The following SESN3 variants were observed in gnomAD, a reference collection of about 807,000 sequenced individuals.
SESN3 encodes the protein sestrin 3.
In SESN3, 21 loss-of-function variants were observed where a neutral mutation model predicts 55.3. The ratio of observed to expected loss-of-function variants is 0.38; its 90% CI spans 0.27 to 0.55. SESN3 has a LOEUF of 0.55. Ranked by LOEUF, SESN3 falls within the 20% of genes least tolerant of loss-of-function variation. The pLI is 0.76. For synonymous variants in SESN3, 181 were observed against 203.1 expected (o/e 0.89, Z 0.93); for missense variants, 408 against 604.3 (o/e 0.68, Z 3.41).
At position 95,175,394 on chromosome 11, in the gene SESN3, A is replaced by T. The variant is rs1159199506; in HGVS notation, c.1392+104T>A. 47 of 1,027,738 alleles carry T rather than the reference A, an allele frequency of 4.6e-5. 1 individual carries two copies. The highest frequency in any genetic ancestry group is 6.6e-5 in the Non-Finnish European group (47 of 712,782). 63.7% of individuals were successfully genotyped at this position (1,027,738 alleles called of 1,614,324 possible). A position where few individuals can be genotyped will look rare whatever the true frequency, so the allele number is the denominator to read the frequency against. ...AGCTAGATGATGCCACTTCCATGTC[A>T]ATGGCTATAATTTATTAATACTTTC... On this transcript the variant is annotated intron_variant, in intron 9 of 9. Coordinates refer to ENST00000536441, the MANE Select transcript of SESN3 (RefSeq NM_144665.4).
Position 95,173,205 on chromosome 11 carries a change from C to T in SESN3, c.*50G>A, listed in dbSNP as rs1859887299. ...TATCACAAATAGCTTCAATGTTTATCTTATGTGAAAGGTCTTTACACATGT... is the reference window on the plus strand; with the variant it reads ...TATCACAAATAGCTTCAATGTTTATTTTATGTGAAAGGTCTTTACACATGT... On this transcript the variant is annotated 3_prime_UTR_variant, in exon 10 of 10. Coordinates refer to ENST00000536441, the MANE Select transcript of SESN3 (RefSeq NM_144665.4). The T allele has an allele frequency of 9.4e-7, 1 of 1,066,344 alleles. No individual in the cohort carries two copies. The highest frequency in any genetic ancestry group is 1.4e-6 in the Non-Finnish European group (1 of 707,518). 66.1% of individuals were successfully genotyped at this position (1,066,344 alleles called of 1,614,324 possible). A position where few individuals can be genotyped will look rare whatever the true frequency, so the allele number is the denominator to read the frequency against.
At chr11:95,197,808 A>T (rs935365868) in intron 1 of SESN3, among the ~76,000 whole-genome samples, 4 of 152,150 alleles carry the variant, frequency 2.6e-5, no homozygotes, top group African/African-American at 9.6e-5. Context: ...ATAAGGGCAC[A>T]GGATACGAAA....
chr11:95,182,083 C>A (rs377659412), intron 6 of SESN3: 143 of 282,696 alleles, frequency 5.1e-4, no homozygotes, highest in African/African-American at 3.0e-3. Flanking sequence ...ACTTTCTAGT[C>A]AAAATTCACT....
intron 3 of SESN3, 69 bp downstream of exon 3, chr11:95,191,335 G>T: frequency 8.5e-7 from 1 of 1,173,896 alleles, no homozygotes; most frequent in East Asian, 2.3e-5. Flanking sequence ...AAGGACACAT[G>T]CCTATTTTGG....
chr11:95,195,201 TTTG>T (rs1286581931), intron 1 of SESN3, among the ~76,000 whole-genome samples: 8 of 152,184 alleles, frequency 5.3e-5, no homozygotes, highest in African/African-American at 1.9e-4. Flanking sequence ...ATTTATTAAA[TTTG>T]TTGATAAAAA....
chr11:95,226,354 A>G (rs1860948423), intron 1 of SESN3, among the ~76,000 whole-genome samples: 1 of 152,242 alleles, frequency 6.6e-6, no homozygotes, highest in African/African-American at 2.4e-5. Flanking sequence ...AAGATCTGTT[A>G]AAGACCTAAC....
At chr11:95,218,368 G>C (rs994959943) in intron 1 of SESN3, among the ~76,000 whole-genome samples, 2 of 152,168 alleles carry the variant, frequency 1.3e-5, no homozygotes, top group African/African-American at 4.8e-5. Flanking sequence ...ACGCTACGTA[G>C]GTAAAAACTC....
intron 8 of SESN3, among the ~76,000 whole-genome samples, chr11:95,176,335 T>C (rs919722499): frequency 2.6e-5 from 4 of 152,082 alleles, no homozygotes; most frequent in African/African-American, 9.7e-5. Flanking sequence ...AAGCAGAAAA[T>C]GAGGCAGTAG....
In SESN3 at chr11:95,193,586, A is replaced by C. The variant is rs1407846339; in HGVS notation, c.79-64T>G. 3 of 878,974 alleles carry C rather than the reference A, an allele frequency of 3.4e-6. No individual in the cohort carries two copies. The African/African-American group carries it at 5.1e-5, about 15-fold the overall frequency. 54.4% of individuals were successfully genotyped at this position (878,974 alleles called of 1,614,324 possible). A position where few individuals can be genotyped will look rare whatever the true frequency, so the allele number is the denominator to read the frequency against. On this transcript the variant is annotated intron_variant, in intron 1 of 9. Transcript: ENST00000536441. Reference sequence around the variant, plus strand: ...TTTCTAAGAAATGTTAAATTTGTACACATTTATTGCTAAGGTACTAAAATA... The same window carrying C: ...TTTCTAAGAAATGTTAAATTTGTACCCATTTATTGCTAAGGTACTAAAATA...
intron 6 of SESN3, among the ~76,000 whole-genome samples, chr11:95,181,951 T>A (rs1393557141): frequency 6.6e-6 from 1 of 152,088 alleles, no homozygotes; most frequent in Admixed American, 6.6e-5. Context: ...TTTTTATATA[T>A]ATGTGTGTAT....
In SESN3 at chr11:95,196,724, T is replaced by C. The variant is rs536368507; in HGVS notation, c.79-3202A>G. On this transcript the variant is annotated intron_variant, in intron 1 of 9. Transcript: ENST00000536441. ...ACATTTCAGATGCTCGGCAGCCACA[T>C]AGGACCACGTGTACTCTACAGGACA... 7.2e-5 allele frequency among the ~76,000 whole-genome samples: 11 copies of C among 152,350 alleles called. No homozygotes were observed. The South Asian group carries it at 1.4e-3, about 20-fold the overall frequency.
In SESN3 at chr11:95,173,007, C is replaced by G; in HGVS notation, c.*248G>C. On this transcript the variant is annotated 3_prime_UTR_variant, in exon 10 of 10. Transcript: ENST00000536441. ...GATTTATGATCAGTATCCAAAACTC[C>G]AACTACAAACAATGCAAAGTAGTGC... The G allele has an allele frequency of 2.6e-6, 1 of 386,764 alleles. No individual in the cohort carries two copies. Among genetic ancestry groups the G allele is most frequent in the Non-Finnish European group, 4.7e-6 (1 of 212,776 alleles). 24.0% of individuals were successfully genotyped at this position (386,764 alleles called of 1,614,324 possible). A position where few individuals can be genotyped will look rare whatever the true frequency, so the allele number is the denominator to read the frequency against.
intron 6 of SESN3, among the ~76,000 whole-genome samples, chr11:95,180,014 CTAT>C (rs1464256358): frequency 1.7e-4 from 26 of 152,102 alleles, no homozygotes; most frequent in Non-Finnish European, 3.2e-4. Flanking sequence ...TCTGTCTTTA[CTAT>C]TTTTTCTGAT....
At chr11:95,173,971 A>G (rs1327117335) in intron 9 of SESN3, among the ~76,000 whole-genome samples, 3 of 152,200 alleles carry the variant, frequency 2.0e-5, no homozygotes, top group Non-Finnish European at 4.4e-5. Context: ...TTCTTTTGAT[A>G]TATTTATACC....
At chr11:95,187,779 C>T (rs1378082739) in intron 4 of SESN3, among the ~76,000 whole-genome samples, 3 of 151,834 alleles carry the variant, frequency 2.0e-5, no homozygotes, top group Non-Finnish European at 2.9e-5. Context: ...TTTTAACTCA[C>T]ACTTTATCTT....
intron 1 of SESN3, chr11:95,200,806 CCTT>C (rs1315646920): frequency 6.6e-6 from 1 of 151,976 alleles, no homozygotes; most frequent in African/African-American, 2.4e-5. Flanking sequence ...TGAAATCTAG[CCTT>C]CTTCAACAAT....
At chr11:95,179,418 T>A (rs1362636452) in intron 6 of SESN3, among the ~76,000 whole-genome samples, 4 of 152,274 alleles carry the variant, frequency 2.6e-5, no homozygotes. Flanking sequence ...CCTCCCGAAG[T>A]GCAGCTTAAC....
At chr11:95,182,070 A>G in intron 6 of SESN3, 1 of 269,842 alleles carries the variant, frequency 3.7e-6, no homozygotes, top group Non-Finnish European at 7.4e-6. Context: ...GCTAAGGTCC[A>G]AGACTTTCTA....
intron 1 of SESN3, among the ~76,000 whole-genome samples, chr11:95,222,444 T>C (rs1040181349): frequency 6.6e-6 from 1 of 152,106 alleles, no homozygotes; most frequent in Non-Finnish European, 1.5e-5. Context: ...GAGAACAAAA[T>C]AAAGCCATAG....
Sources: gnomAD v4.1 joint callset for allele counts (sites outside exome capture counted in the v4.1 genomes callset) on GRCh38, gnomAD v4.1.1 for gene constraint, MANE v1.5 for transcripts, NCBI Gene and HGNC (gene_info 2026-07-23, HGNC 2026-07-21) for gene names.